SHANK2: variants seen among roughly 807,000 people sequenced by gnomAD.
The protein encoded by SHANK2 is SH3 and multiple ankyrin repeat domains 2, also known as SH3 and multiple ankyrin repeat domains protein 2.
In SHANK2, 43 loss-of-function variants were observed where a neutral mutation model predicts 133.7. The observed-to-expected ratio is 0.32, with a 90% CI of 0.25 to 0.41. The LOEUF (loss-of-function observed/expected upper bound fraction) is 0.41. SHANK2 is among the 10% of genes least tolerant of loss of function. SHANK2 has a pLI of 1.00. For missense variants in SHANK2, 1,994 were observed against 2,235.8 expected (o/e 0.89, Z 2.18); for synonymous variants, 1,017 against 952.8 (o/e 1.07, Z -1.24).
At chr11:71,141,084 G>A (rs1952545373) in intron 3 of SHANK2, among the ~76,000 whole-genome samples, 2 of 152,224 alleles carry the variant, frequency 1.3e-5, no homozygotes, top group African/African-American at 2.4e-5. Context: ...TGAGTAGGAG[G>A]GAGCAGTGGG....
At chr11:70,757,855 A>G (rs1946907164) in intron 14 of SHANK2, among the ~76,000 whole-genome samples, 1 of 152,166 alleles carries the variant, frequency 6.6e-6, no homozygotes, top group South Asian at 2.1e-4. Context: ...CAGGGTTGCT[A>G]CAACAAATGA....
At chr11:70,880,392 C>T (rs1271227662) in intron 11 of SHANK2, among the ~76,000 whole-genome samples, 3 of 152,132 alleles carry the variant, frequency 2.0e-5, no homozygotes, top group South Asian at 2.1e-4. Flanking sequence ...GATGGAGGTG[C>T]GCTGAGAAAA....
intron 14 of SHANK2, among the ~76,000 whole-genome samples, chr11:70,746,178 G>A (rs533047551): frequency 1.3e-5 from 2 of 152,228 alleles, no homozygotes; most frequent in African/African-American, 4.8e-5. Context: ...CAGCAGATCT[G>A]GGGGCAGAGC....
chr11:70,792,829 C>A (rs563152459), intron 14 of SHANK2, among the ~76,000 whole-genome samples: 10 of 152,286 alleles, frequency 6.6e-5, no homozygotes, highest in African/African-American at 2.2e-4. Flanking sequence ...CTCACACCTA[C>A]AATCCCAGTA....
At chr11:70,563,392 C>T (rs962184012) in intron 17 of SHANK2, among the ~76,000 whole-genome samples, 9 of 152,174 alleles carry the variant, frequency 5.9e-5, no homozygotes, top group Non-Finnish European at 1.0e-4. Flanking sequence ...GTCACACCTA[C>T]GATCTTTCCA....
intron 21 of SHANK2, among the ~76,000 whole-genome samples, chr11:70,498,242 T>G (rs2059000415): frequency 6.6e-6 from 1 of 152,226 alleles, no homozygotes; most frequent in South Asian, 2.1e-4. Flanking sequence ...TGTCACTCCA[T>G]TTCCAAAAGG....
At chr11:71,075,774 C>T (rs990092795) in intron 8 of SHANK2, among the ~76,000 whole-genome samples, 33 of 152,318 alleles carry the variant, frequency 2.2e-4, no homozygotes, top group Non-Finnish European at 4.3e-4. Flanking sequence ...CGACGTGCGA[C>T]GGACGGCCCC....
chr11:70,492,280 A>G, intron 22 of SHANK2, 55 bp downstream of exon 22: 3 of 1,600,690 alleles, frequency 1.9e-6, no homozygotes, highest in Non-Finnish European at 2.5e-6. Flanking sequence ...CAGCCCACCC[A>G]CTTCCTGGGC....
chr11:70,686,510 T>C (rs1945158737), intron 15 of SHANK2, among the ~76,000 whole-genome samples: 1 of 152,088 alleles, frequency 6.6e-6, no homozygotes, highest in African/African-American at 2.4e-5. Context: ...CATCTGTCTA[T>C]CCATCCATCT....
chr11:71,215,544 G>T (rs890587286), intron 2 of SHANK2, among the ~76,000 whole-genome samples: 18 of 152,142 alleles, frequency 1.2e-4, no homozygotes, highest in African/African-American at 3.1e-4. Context: ...AGCAAGGAAG[G>T]CCTGCTGAGG....
chr11:71,228,984 C>A (rs1555122614), intron 1 of SHANK2, among the ~76,000 whole-genome samples: 1 of 151,976 alleles, frequency 6.6e-6, no homozygotes, highest in African/African-American at 2.4e-5. Flanking sequence ...CTATTATCAA[C>A]AGAAAAAAAG....
At chr11:70,735,936 T>C (rs1555033440) in intron 14 of SHANK2, among the ~76,000 whole-genome samples, 1 of 151,956 alleles carries the variant, frequency 6.6e-6, no homozygotes, top group African/African-American at 2.4e-5. Context: ...ACAAGCTCCA[T>C]TCACCTCCCT....
chr11:71,113,671 T>A (rs1012674436), intron 4 of SHANK2, among the ~76,000 whole-genome samples: 11 of 152,220 alleles, frequency 7.2e-5, no homozygotes, highest in Admixed American at 5.2e-4. Context: ...CCCAGCTAAC[T>A]GAGTGGTTAT....
intron 15 of SHANK2, among the ~76,000 whole-genome samples, chr11:70,672,194 G>A (rs1944825845): frequency 6.6e-6 from 1 of 151,484 alleles, no homozygotes; most frequent in Non-Finnish European, 1.5e-5. Flanking sequence ...CTCCTGAGTA[G>A]CTGGGATTAC....
intron 4 of SHANK2, among the ~76,000 whole-genome samples, chr11:71,114,253 C>G (rs543579346): frequency 6.6e-6 from 1 of 152,114 alleles, no homozygotes; most frequent in African/African-American, 2.4e-5. Context: ...TGGCACAGAC[C>G]TGGCACTAGA....
chr11:70,574,867 C>T (rs11604385), intron 17 of SHANK2, among the ~76,000 whole-genome samples: 29,470 of 152,164 alleles, frequency 0.19, 3,529 homozygotes, highest in South Asian at 0.3. Context: ...GACCCCAAAC[C>T]TCGCTGCCCG....
intron 17 of SHANK2, among the ~76,000 whole-genome samples, chr11:70,615,060 A>G (rs545264504): frequency 1.3e-5 from 2 of 152,366 alleles, no homozygotes; most frequent in East Asian, 1.9e-4. Context: ...ATTCGTGGAC[A>G]TGCCATCTGC....
At chr11:71,151,155 G>A (rs1265772590) in intron 2 of SHANK2, among the ~76,000 whole-genome samples, 3 of 152,106 alleles carry the variant, frequency 2.0e-5, no homozygotes, top group Non-Finnish European at 4.4e-5. Flanking sequence ...CAGCTCACCC[G>A]CCCCATCAGC....
At chr11:71,238,877 G>T (rs1555124047) in intron 1 of SHANK2, among the ~76,000 whole-genome samples, 1 of 152,230 alleles carries the variant, frequency 6.6e-6, no homozygotes, top group Non-Finnish European at 1.5e-5. Context: ...CAGTCACAGG[G>T]ACAGACTTCA....
Sources: gnomAD v4.1 joint callset for allele counts (sites outside exome capture counted in the v4.1 genomes callset) on GRCh38, gnomAD v4.1.1 for gene constraint, MANE v1.5 for transcripts, NCBI Gene and HGNC (gene_info 2026-07-23, HGNC 2026-07-21) for gene names.